The following MORN5 variants were observed in gnomAD, a reference collection of about 807,000 sequenced individuals.
MORN5 encodes MORN repeat-containing protein 5.
In MORN5, 21 loss-of-function variants were observed where a neutral mutation model predicts 22.1. The ratio of observed to expected loss-of-function variants is 0.95; its 90% CI spans 0.67 to 1.37. MORN5 has a LOEUF of 1.37. MORN5 is among the 40% of genes most tolerant of loss of function. The pLI is 0.00. For missense variants in MORN5, 211 were observed against 215.1 expected (o/e 0.98, Z 0.12); for synonymous variants, 73 against 74.0 (o/e 0.99, Z 0.07).
chr9:122,177,955 T>G (rs1183306869), intron 4 of MORN5, among the ~76,000 whole-genome samples: 1 of 152,250 alleles, frequency 6.6e-6, no homozygotes, highest in Non-Finnish European at 1.5e-5. Context: ...AGTGAGGTTA[T>G]TCCTTGGCAG....
intron 2 of MORN5, among the ~76,000 whole-genome samples, chr9:122,168,951 G>A (rs1330206535): frequency 6.6e-6 from 1 of 152,116 alleles, no homozygotes; most frequent in African/African-American, 2.4e-5. Context: ...AAACCCAAGG[G>A]CCTCAACCAG....
At chr9:122,185,326 C>A (rs1476585264) in intron 4 of MORN5, among the ~76,000 whole-genome samples, 1 of 152,038 alleles carries the variant, frequency 6.6e-6, no homozygotes, top group African/African-American at 2.4e-5. Flanking sequence ...GGGTTCACGC[C>A]ATTCTCCTGC....
At chr9:122,194,395 G>T (rs1298918366) in intron 4 of MORN5, among the ~76,000 whole-genome samples, 3 of 152,304 alleles carry the variant, frequency 2.0e-5, no homozygotes, top group Middle Eastern at 3.4e-3. Context: ...CAGACAACAT[G>T]CACGTAAACA....
intron 4 of MORN5, chr9:122,174,988 C>T (rs368131748): frequency 1.9e-6 from 1 of 535,184 alleles, no homozygotes; most frequent in East Asian, 1.5e-4. Flanking sequence ...ACACAGCCCC[C>T]CTTCCTTGTG....
At chr9:122,174,969 C>T in intron 4 of MORN5, 1 of 704,610 alleles carries the variant, frequency 1.4e-6, no homozygotes, top group Non-Finnish European at 1.7e-6. Context: ...AAAAGCAGAG[C>T]AAAGCTGGAC....
chr9:122,164,761 A>AC, intron 1 of MORN5: 1 of 258,244 alleles, frequency 3.9e-6, no homozygotes, highest in Non-Finnish European at 6.0e-6. Flanking sequence ...GGGAAGGAGA[A>AC]GAGGAATTCT....
intron 1 of MORN5, among the ~76,000 whole-genome samples, chr9:122,160,946 C>T (rs1829188376): frequency 6.6e-6 from 1 of 152,122 alleles, no homozygotes; most frequent in African/African-American, 2.4e-5. Flanking sequence ...GGGCACAATC[C>T]CTGTCTTCAG....
At chr9:122,163,729 C>T (rs1829235335) in intron 1 of MORN5, among the ~76,000 whole-genome samples, 1 of 152,114 alleles carries the variant, frequency 6.6e-6, no homozygotes, top group Non-Finnish European at 1.5e-5. Context: ...ATACCGTGCA[C>T]AATTCTGGTG....
chr9:122,183,130 A>C (rs1485081485), intron 4 of MORN5, among the ~76,000 whole-genome samples: 1 of 152,216 alleles, frequency 6.6e-6, no homozygotes, highest in Admixed American at 6.5e-5. Flanking sequence ...CACAGTCCTC[A>C]CAATCAGATG....
chr9:122,164,663 G>A, intron 1 of MORN5: 2 of 984,316 alleles, frequency 2.0e-6, no homozygotes, highest in Non-Finnish European at 2.4e-6. Context: ...AAAAGGGGTG[G>A]GGTCTAACCT....
intron 4 of MORN5, among the ~76,000 whole-genome samples, chr9:122,192,559 A>G (rs1338109284): frequency 6.6e-6 from 1 of 152,206 alleles, no homozygotes; most frequent in Non-Finnish European, 1.5e-5. Context: ...TGCAGGCTGC[A>G]CTAATGTCAC....
intron 1 of MORN5, among the ~76,000 whole-genome samples, chr9:122,162,282 G>A (rs963657020): frequency 1.3e-5 from 2 of 152,138 alleles, no homozygotes; most frequent in Admixed American, 1.3e-4. Flanking sequence ...TTAATTTAGG[G>A]AGGGGATATT....
intron 4 of MORN5, among the ~76,000 whole-genome samples, chr9:122,198,791 T>C (rs1056470254): frequency 1.4e-4 from 21 of 152,102 alleles, no homozygotes; most frequent in African/African-American, 4.8e-4. Context: ...AAGCCAAGCA[T>C]GGAATATTAG....
intron 4 of MORN5, 110 bp from the exon 5 acceptor site, chr9:122,199,775 T>C: frequency 2.1e-6 from 2 of 936,606 alleles, no homozygotes; most frequent in Non-Finnish European, 3.5e-6. Context: ...CTACACAGAC[T>C]GGCCATCGAC....
intron 4 of MORN5, among the ~76,000 whole-genome samples, chr9:122,190,677 G>A (rs551586777): frequency 6.6e-6 from 1 of 152,256 alleles, no homozygotes; most frequent in Non-Finnish European, 1.5e-5. Context: ...GCCGGAGCAG[G>A]CCCAAGGCCT....
intron 4 of MORN5, among the ~76,000 whole-genome samples, chr9:122,185,409 A>T (rs1229181111): frequency 2.7e-5 from 4 of 150,870 alleles, no homozygotes; most frequent in Middle Eastern, 3.4e-3. Flanking sequence ...TTGTATTTTT[A>T]GTAGAGTCGG....
At chr9:122,198,472 C>T (rs969450247) in intron 4 of MORN5, among the ~76,000 whole-genome samples, 2 of 152,120 alleles carry the variant, frequency 1.3e-5, no homozygotes, top group Non-Finnish European at 2.9e-5. Flanking sequence ...TACTCTGGCC[C>T]TCAGGAGAAC....
At chr9:122,168,129 C>T (rs1442855371) in intron 2 of MORN5, among the ~76,000 whole-genome samples, 1 of 152,222 alleles carries the variant, frequency 6.6e-6, no homozygotes, top group East Asian at 1.9e-4. Context: ...CAGGTTGCAG[C>T]AGACAGGGAC....
At chr9:122,163,987 C>T (rs775081289) in intron 1 of MORN5, among the ~76,000 whole-genome samples, 11 of 152,102 alleles carry the variant, frequency 7.2e-5, no homozygotes, top group Non-Finnish European at 1.2e-4. Flanking sequence ...CGGACTCAAG[C>T]GATCCTCCCA....
Sources: gnomAD v4.1 joint callset for allele counts (sites outside exome capture counted in the v4.1 genomes callset) on GRCh38, gnomAD v4.1.1 for gene constraint, MANE v1.5 for transcripts, NCBI Gene and HGNC (gene_info 2026-07-23, HGNC 2026-07-21) for gene names.